CACNA1A: variants seen among roughly 807,000 people sequenced by gnomAD.
The protein encoded by CACNA1A is voltage-dependent P/Q-type calcium channel subunit alpha-1A.
Under a neutral mutation model 262.4 loss-of-function variants are expected in CACNA1A, and 57 were observed. The observed-to-expected ratio is 0.22, with a 90% confidence interval of 0.18 to 0.27. CACNA1A has a LOEUF of 0.27. CACNA1A is among the 10% of genes least tolerant of loss of function. The probability of loss-of-function intolerance (pLI) is 1.00; values close to 1 mark genes in which losing one functional copy is unlikely to be tolerated. For missense variants in CACNA1A, 2,526 were observed against 3,562.8 expected (o/e 0.71, Z 7.41); for synonymous variants, 1,431 against 1,419.3 (o/e 1.01, Z -0.18).
At chr19:13,227,261 A>T (rs1479731817) in intron 37 of CACNA1A, 170 bp downstream of exon 37, 1 of 414,182 alleles carries the variant, frequency 2.4e-6, no homozygotes, top group Non-Finnish European at 4.5e-6. Context: ...AGGGATGGTC[A>T]TGATCAGTTG....
intron 11 of CACNA1A, among the ~76,000 whole-genome samples, chr19:13,314,802 A>G (rs1433404749): frequency 6.6e-6 from 1 of 152,188 alleles, no homozygotes; most frequent in Non-Finnish European, 1.5e-5. Context: ...CACAGTATTT[A>G]TCACCAAAAT....
chr19:13,335,987 G>T, intron 6 of CACNA1A, 78 bp from the exon 7 acceptor site: 1 of 818,536 alleles, frequency 1.2e-6, no homozygotes, highest in Admixed American at 2.2e-5. Context: ...GGAAGGGGAA[G>T]CTCGGTTCTC....
intron 3 of CACNA1A, among the ~76,000 whole-genome samples, chr19:13,418,106 G>A (rs1307859171): frequency 6.6e-6 from 1 of 152,116 alleles, no homozygotes; most frequent in Non-Finnish European, 1.5e-5. Flanking sequence ...TCCTGGCTCT[G>A]CCACTTACTG....
In CACNA1A at chr19:13,214,085, G is replaced by C; in HGVS notation, c.5940+148C>G. 1.5e-6 allele frequency: 1 copy of C among 647,926 alleles called. No homozygotes were observed. Among genetic ancestry groups the C allele is most frequent in the South Asian group, 1.8e-5 (1 of 55,836 alleles). 40.1% of individuals were successfully genotyped at this position (647,926 alleles called of 1,614,324 possible). ...CTGCCCTGGCCTCTCAAAGCACTGA[G>C]ATTGCAGGTGTGAGCTGCTGTGCAC... On this transcript the variant is annotated intron_variant, in intron 40 of 46. Coordinates refer to ENST00000360228, the MANE Select transcript of CACNA1A (RefSeq NM_001127222.2). The surrounding 1 kb of genome is among the most constrained non-coding windows in gnomAD (Gnocchi z 4.1).
chr19:13,208,900 G>GTGC lies in CACNA1A; in HGVS notation c.6635_6636insGCA (p.His2211_His2212insGln), dbSNP rs762849127. ...GGGGATGGTGGTGGTGGTGGTGGTG[G>GTGC]TGGTGGTGCTGTCGATGCTTCCGAT... is the stretch of plus-strand genomic sequence containing the variant. On this transcript the variant is annotated inframe_insertion, in exon 46 of 47. Coordinates refer to ENST00000360228, the MANE Select transcript of CACNA1A (RefSeq NM_001127222.2). 6.5e-7 allele frequency: 1 copy of GTGC among 1,536,350 alleles called. No homozygotes were observed. Among genetic ancestry groups the GTGC allele is most frequent in the African/African-American group, 1.4e-5 (1 of 72,978 alleles).
At chr19:13,393,330 A>T (rs2144659359) in intron 3 of CACNA1A, among the ~76,000 whole-genome samples, 1 of 152,330 alleles carries the variant, frequency 6.6e-6, no homozygotes, top group South Asian at 2.1e-4. Flanking sequence ...AATCTCACAC[A>T]TACAACGTCA....
intron 6 of CACNA1A, among the ~76,000 whole-genome samples, chr19:13,357,554 G>A (rs902135987): frequency 6.6e-6 from 1 of 152,182 alleles, no homozygotes; most frequent in East Asian, 1.9e-4. Flanking sequence ...TGGCATCCTT[G>A]TGTTTGATCC....
intron 29 of CACNA1A, 27 bp downstream of exon 29, chr19:13,255,068 T>C: frequency 1.9e-6 from 3 of 1,611,588 alleles, no homozygotes; most frequent in Non-Finnish European, 2.5e-6. Flanking sequence ...GGTTAAGTAG[T>C]GCTGGGGGCT....
At chr19:13,266,363 C>T (rs543960050) in intron 24 of CACNA1A, among the ~76,000 whole-genome samples, 1 of 152,076 alleles carries the variant, frequency 6.6e-6, no homozygotes, top group South Asian at 2.1e-4. Context: ...TGCACCACTG[C>T]ACCTGGCTAA....
chr19:13,458,941 C>A (rs10408338), intron 1 of CACNA1A, among the ~76,000 whole-genome samples: 5,381 of 152,190 alleles, frequency 0.035, 310 homozygotes, highest in African/African-American at 0.12. Context: ...ATTTCCCAAC[C>A]TCAGCACTAG....
intron 3 of CACNA1A, among the ~76,000 whole-genome samples, chr19:13,439,044 T>C (rs2060664107): frequency 6.6e-6 from 1 of 151,980 alleles, no homozygotes; most frequent in African/African-American, 2.4e-5. Flanking sequence ...CAGCTTTCTC[T>C]TTCTTTTCTG....
chr19:13,259,777 A>G, intron 26 of CACNA1A, 76 bp from the exon 27 acceptor site: 2 of 1,527,460 alleles, frequency 1.3e-6, no homozygotes, highest in Non-Finnish European at 1.8e-6. Flanking sequence ...TATCAGAGAC[A>G]GGGGGAGGGA....
intron 22 of CACNA1A, 117 bp downstream of exon 22, chr19:13,283,150 G>A: frequency 1.6e-6 from 2 of 1,242,256 alleles, no homozygotes; most frequent in Non-Finnish European, 2.2e-6. Context: ...AGCCATAAGG[G>A]CTATGCCTAG....
chr19:13,489,999 C>T (rs1980560396), intron 1 of CACNA1A, among the ~76,000 whole-genome samples: 1 of 152,160 alleles, frequency 6.6e-6, no homozygotes, highest in Admixed American at 6.5e-5. Context: ...TCTCTCCCCA[C>T]CCAGAATATC....
At chr19:13,336,599 GAGAGAGAGAGAGAGAGAGA>G (rs2058575930) in intron 6 of CACNA1A, among the ~76,000 whole-genome samples, 1 of 121,652 alleles carries the variant, frequency 8.2e-6, no homozygotes, top group East Asian at 2.2e-4. Flanking sequence ...GAGAGGGAGA[GAGAGAGAGAGAGAGAGAGA>G]GAGAGAGAGA....
intron 1 of CACNA1A, among the ~76,000 whole-genome samples, chr19:13,492,205 A>G (rs10405546): frequency 0.13 from 19,741 of 152,172 alleles, 2,774 homozygotes; most frequent in African/African-American, 0.35. Flanking sequence ...GACATGCCTC[A>G]ATTTCAACAG....
chr19:13,498,317 T>C (rs1439925005), intron 1 of CACNA1A, among the ~76,000 whole-genome samples: 3 of 152,162 alleles, frequency 2.0e-5, no homozygotes, highest in Admixed American at 6.5e-5. Context: ...ATGCTGTTCG[T>C]ATGAAAATAC....
chr19:13,283,638 T>A (rs2057339741), intron 21 of CACNA1A: 1 of 434,268 alleles, frequency 2.3e-6, no homozygotes, highest in African/African-American at 2.0e-5. Context: ...TTCCTATCAC[T>A]CCCAAACGAC....
intron 25 of CACNA1A, 36 bp downstream of exon 25, chr19:13,262,698 T>G (rs1568473032): frequency 7.7e-7 from 1 of 1,300,732 alleles, no homozygotes; most frequent in African/African-American, 1.5e-5. Flanking sequence ...ACCCTGACAG[T>G]CCCCCCCACC....
Sources: allele counts gnomAD v4.1 joint callset (sites outside exome capture counted in the v4.1 genomes callset), GRCh38; gene constraint gnomAD v4.1.1; non-coding constraint Gnocchi (gnomAD v3.1); transcripts MANE v1.5; gene names NCBI Gene and HGNC (gene_info 2026-07-23, HGNC 2026-07-21).